Variants in PER3 observed in about 807,000 individuals in gnomAD.
PER3 encodes period circadian protein homolog 3.
A neutral mutation model predicts 127.2 loss-of-function variants in PER3; 107 were observed. That is an observed-to-expected ratio of 0.84 (90% CI 0.72 to 0.99). The LOEUF is 0.99. Among genes scored for constraint, PER3 ranks in the 50% least tolerant of loss-of-function variants. PER3 has a pLI of 0.00. For missense variants in PER3, 1,560 were observed against 1,525.8 expected, an observed-to-expected ratio of 1.02 and a Z score of -0.37; for synonymous variants, 618 against 585.8, an observed-to-expected ratio of 1.05 and a Z score of -0.79.
At chr1:7,823,924 A>T (rs2097289612) in intron 16 of PER3, among the ~76,000 whole-genome samples, 1 of 152,216 alleles carries the variant, frequency 6.6e-6, no homozygotes, top group Non-Finnish European at 1.5e-5. Context: ...TTTAAAAAGG[A>T]TTGATGGTGT....
chr1:7,794,494 AAAAAAT>A (rs2097136287), intron 6 of PER3, among the ~76,000 whole-genome samples: 1 of 152,208 alleles, frequency 6.6e-6, no homozygotes, highest in Non-Finnish European at 1.5e-5. Flanking sequence ...TCTGTCTCAA[AAAAAAT>A]AAAAATAAAT....
chr1:7,801,875 A>T (rs778432769), intron 8 of PER3, among the ~76,000 whole-genome samples: 6 of 152,172 alleles, frequency 3.9e-5, no homozygotes, highest in Non-Finnish European at 7.3e-5. Flanking sequence ...AAATTCAAAA[A>T]TCTGGGAACC....
chr1:7,790,522 T>C (rs757906501), intron 5 of PER3, among the ~76,000 whole-genome samples: 10 of 152,180 alleles, frequency 6.6e-5, no homozygotes, highest in Non-Finnish European at 1.0e-4. Flanking sequence ...GAGATTTGGG[T>C]GGGGATACAG....
rs2097095878 is a variant in PER3 at position 7,787,206 on chromosome 1, C to T, written c.390+370C>T. 6 of 787,094 alleles carry T rather than the reference C, an allele frequency of 7.6e-6. No individual in the cohort carries two copies. In the South Asian group the frequency reaches 2.2e-4, roughly 29 times the overall value. 48.8% of individuals were successfully genotyped at this position (787,094 alleles called of 1,614,324 possible). A position where few individuals can be genotyped will look rare whatever the true frequency, so the allele number is the denominator to read the frequency against. ...ATTTATATCATTCTTAGTTCCAATA[C>T]CTACTACTTCAAGTTGTAACAACTG... is the stretch of plus-strand genomic sequence containing the variant. On this transcript the variant is annotated intron_variant, in intron 4 of 21. Transcript: ENST00000377532.
chr1:7,793,867 A>G (rs779361725), intron 5 of PER3, 90 bp from the exon 6 acceptor site: 3 of 1,086,478 alleles, frequency 2.8e-6, no homozygotes, highest in Non-Finnish European at 4.3e-6. Flanking sequence ...CTTTTAAAAA[A>G]TAGTTTGTTG....
intron 8 of PER3, among the ~76,000 whole-genome samples, chr1:7,801,798 T>C (rs202139540): frequency 1.3e-5 from 2 of 152,158 alleles, no homozygotes; most frequent in East Asian, 3.8e-4. Context: ...AAAGTAAATA[T>C]CAGTATCACT....
chr1:7,785,241 G>GT (rs1421420454), intron 2 of PER3, among the ~76,000 whole-genome samples, 200 bp from the exon 3 acceptor site: 1 of 152,166 alleles, frequency 6.6e-6, no homozygotes, highest in Non-Finnish European at 1.5e-5. Context: ...AGTGGATTAA[G>GT]GGAAAGTAAG....
At chr1:7,839,720 C>A (rs1241862391) in intron 21 of PER3, among the ~76,000 whole-genome samples, 106 of 152,294 alleles carry the variant, frequency 7.0e-4, no homozygotes, top group Non-Finnish European at 4.4e-5. Flanking sequence ...GCCCTCTGGC[C>A]TCCACAGTTT....
chr1:7,785,509 T>A lies in PER3; in HGVS notation c.197T>A (p.Phe66Tyr), dbSNP rs2097083248. The change falls in exon 3 of 22, where the codon TTC becomes TAC. Residue 66 changes from phenylalanine (F) to tyrosine (Y), a missense_variant. Physicochemically the swap from Phe to Tyr is conservative, Grantham distance 22 (BLOSUM62 3). Around this residue, in one of 3 missense-constraint regions of PER3, gnomAD observed 1,332 missense variants for 1,223.6 expected, o/e 1.09. Coordinates refer to ENST00000377532, the MANE Select transcript of PER3 (RefSeq NM_001377275.1). ...IMVVQEMKKYFPSERRNKPST... is the reference protein window; with the variant it reads ...IMVVQEMKKYYPSERRNKPST... ...GTTGTCCAAGAAATGAAAAAATACT[T>A]CCCCTCGGAGAGACGCAATAAACCA... 6.2e-7 allele frequency: 1 copy of A among 1,611,246 alleles called. No homozygotes were observed. Among genetic ancestry groups the A allele is most frequent in the South Asian group, 1.1e-5 (1 of 91,030 alleles).
intron 8 of PER3, 39 bp downstream of exon 8, chr1:7,801,230 AAAAT>A (rs1558406512): frequency 1.8e-6 from 2 of 1,099,992 alleles, no homozygotes; most frequent in African/African-American, 3.2e-5. Context: ...TTTGTTTCTG[AAAAT>A]AAATATAAAT....
intron 5 of PER3, among the ~76,000 whole-genome samples, chr1:7,793,316 C>T (rs1164552962): frequency 6.6e-6 from 1 of 152,142 alleles, no homozygotes; most frequent in Non-Finnish European, 1.5e-5. Flanking sequence ...ATTATCACCT[C>T]ATAAATCAAT....
Position 7,827,413 on chromosome 1 carries a change from A to T in PER3, c.2484A>T (p.Ala828=), listed in dbSNP as rs200486406. The change falls in exon 18 of 22, where the codon GCA becomes GCT. Residue 828 remains alanine (A), a synonymous_variant. Coordinates refer to ENST00000377532, the MANE Select transcript of PER3 (RefSeq NM_001377275.1). Reference sequence around the variant, plus strand: ...GAGAATACGCAGCCCCCGGAACTGCACCGGAAGGCCTGCATGGGCTGCCCT... The same window carrying T: ...GAGAATACGCAGCCCCCGGAACTGCTCCGGAAGGCCTGCATGGGCTGCCCT... ...PGREYAAPGT[A]PEGLHGLPLS... The T allele has an allele frequency of 6.2e-7, 1 of 1,614,044 alleles. No individual in the cohort carries two copies. Among genetic ancestry groups the T allele is most frequent in the Non-Finnish European group, 8.5e-7 (1 of 1,180,028 alleles).
chr1:7,797,422 G>A (rs1292198297), intron 6 of PER3, among the ~76,000 whole-genome samples: 2 of 152,142 alleles, frequency 1.3e-5, no homozygotes, highest in South Asian at 2.1e-4. Context: ...ATCACCTGAG[G>A]TCAGGAGTTT....
chr1:7,797,753 G>A (rs958021030), intron 6 of PER3, among the ~76,000 whole-genome samples: 3 of 152,200 alleles, frequency 2.0e-5, no homozygotes, highest in African/African-American at 7.2e-5. Flanking sequence ...GCTGGCGAGA[G>A]AGTAAATGGA....
At chr1:7,833,556 C>T (rs1362937812) in intron 19 of PER3, among the ~76,000 whole-genome samples, 6 of 152,036 alleles carry the variant, frequency 3.9e-5, no homozygotes, top group Admixed American at 6.6e-5. Flanking sequence ...GTATCCAGTC[C>T]AGCTTTATTT....
rs2150395979 is a variant in PER3, at chr1:7,785,010, C to T, written c.128+5C>T. The T allele has an allele frequency of 2.5e-6, 4 of 1,571,024 alleles. No homozygotes were observed. The highest frequency in any genetic ancestry group is 2.4e-5 in the South Asian group (2 of 85,016). On this transcript the variant is annotated splice_donor_5th_base_variant and intron_variant, in intron 2 of 21. Coordinates refer to ENST00000377532, the MANE Select transcript of PER3 (RefSeq NM_001377275.1). ...ATTGGCGGACAGCAGCCACAGGTGA[C>T]GCGCTGGCTTCAGGCCGAGGGCCCC...
chr1:7,842,623 T>C lies in PER3; in HGVS notation c.3550-49T>C, dbSNP rs201311459. Reference sequence around the variant, plus strand: ...AGCCTTTTACTGTTTTAAAACTCTTTAGGTGACATTGACATCAAGTAACTC... The same window carrying C: ...AGCCTTTTACTGTTTTAAAACTCTTCAGGTGACATTGACATCAAGTAACTC... On this transcript the variant is annotated intron_variant, in intron 21 of 21. Transcript: ENST00000377532. The C allele has an allele frequency of 3.0e-4, 487 of 1,607,342 alleles. 2 individuals are homozygous for C. The African/African-American group carries it at 5.3e-3, about 18-fold the overall frequency.
rs1577593188 is a variant in PER3 at position 7,785,682 on chromosome 1, A to G, written c.274+96A>G. The G allele has an allele frequency of 2.9e-6, 3 of 1,033,588 alleles. No individual in the cohort carries two copies. The East Asian group carries it at 7.2e-5, about 25-fold the overall frequency. 64.0% of individuals were successfully genotyped at this position (1,033,588 alleles called of 1,614,324 possible). On this transcript the variant is annotated intron_variant, in intron 3 of 21. Transcript: ENST00000377532. ...CAGTGGGGTCTCAGTCAGACAAATAATTTGAGCTTTTTCTGGTGCTTTGTG... is the reference window on the plus strand; with the variant it reads ...CAGTGGGGTCTCAGTCAGACAAATAGTTTGAGCTTTTTCTGGTGCTTTGTG...
At chr1:7,791,555 T>C (rs2097121373) in intron 5 of PER3, among the ~76,000 whole-genome samples, 1 of 152,258 alleles carries the variant, frequency 6.6e-6, no homozygotes. Context: ...TTTTCCCCAT[T>C]GTCTTGGTGA....
Sources: gnomAD v4.1 joint callset for allele counts (sites outside exome capture counted in the v4.1 genomes callset) on GRCh38, gnomAD v4.1.1 for gene constraint, gnomAD v4.1.1 regional missense constraint, MANE v1.5 for transcripts, NCBI Gene and HGNC (gene_info 2026-07-23, HGNC 2026-07-21) for gene names.